The following TLR6 variants were observed in gnomAD, a reference collection of about 807,000 sequenced individuals.
TLR6 encodes toll-like receptor 6.
TLR6 carries 9 observed loss-of-function variants against 16.1 expected under a neutral mutation model. That is an observed-to-expected ratio of 0.56 (90% confidence interval 0.34 to 0.98). The LOEUF (loss-of-function observed/expected upper bound fraction) is 0.98. Among genes scored for constraint, TLR6 ranks in the 50% least tolerant of loss-of-function variants. The pLI, the probability that TLR6 is intolerant of heterozygous loss-of-function variation, is 0.02. For synonymous variants in TLR6, 340 were observed against 338.6 expected (o/e 1.00, Z -0.04); for missense variants, 786 against 921.0 (o/e 0.85, Z 1.90).
chr4:38,827,945 G>T (rs1356318604), exon 2 of TLR6: 1 of 1,614,154 alleles, frequency 6.2e-7, no homozygotes, highest in Non-Finnish European at 8.5e-7. Context: ...ATCAGCCGAT[G>T]GGTGGGAAAC....
At chr4:38,854,877 T>C (rs1712911677) in intron 1 of TLR6, among the ~76,000 whole-genome samples, 1 of 152,070 alleles carries the variant, frequency 6.6e-6, no homozygotes, top group African/African-American at 2.4e-5. Flanking sequence ...CCTCAAATAC[T>C]GTACTTTGAA....
intron 1 of TLR6, among the ~76,000 whole-genome samples, chr4:38,854,652 T>C (rs1325987962): frequency 6.6e-6 from 1 of 152,186 alleles, no homozygotes; most frequent in Non-Finnish European, 1.5e-5. Flanking sequence ...GTACAAGCTT[T>C]CTAAAGGGTA....
chr4:38,864,827 C>T, the TLR6 span, among the ~76,000 whole-genome samples: 1 of 152,076 alleles, frequency 6.6e-6, no homozygotes, highest in Non-Finnish European at 1.5e-5. Context: ...GCCTGGGCAA[C>T]ACAGCAAGAC....
chr4:38,831,981 C>G (rs1403921425), intron 1 of TLR6, among the ~76,000 whole-genome samples: 1 of 152,140 alleles, frequency 6.6e-6, no homozygotes, highest in Non-Finnish European at 1.5e-5. Context: ...CACAATCCAG[C>G]AAATCACATT....
In TLR6 at chr4:38,852,685, C is replaced by T. The variant is rs977839252; in HGVS notation, c.-65+4076G>A. On this transcript the variant is annotated intron_variant, in intron 1 of 1. Transcript: ENST00000436693. ...GCAAATCAAAACCACAATGAGATAC[C>T]GTCTCACACCAGTTAGAATGGCGAT... is the stretch of plus-strand genomic sequence containing the variant. Among the ~76,000 whole-genome samples the T allele has an allele frequency of 4.6e-5, 7 of 151,098 alleles. No homozygotes were observed. In the South Asian group the frequency reaches 8.5e-4, roughly 18 times the overall value.
At chr4:38,854,587 G>A (rs1010891050) in intron 1 of TLR6, among the ~76,000 whole-genome samples, 6 of 151,868 alleles carry the variant, frequency 4.0e-5, no homozygotes, top group African/African-American at 1.5e-4. Flanking sequence ...CAGGTTGGTA[G>A]GTGGAAACTA....
At chr4:38,866,350 G>A in the TLR6 span, among the ~76,000 whole-genome samples, 2 of 151,198 alleles carry the variant, frequency 1.3e-5, no homozygotes, top group African/African-American at 2.4e-5. Context: ...AAAATTAGCC[G>A]GGTGTGGTGG....
chr4:38,829,141 C>T (rs754623426), exon 2 of TLR6: 1 of 1,614,078 alleles, frequency 6.2e-7, no homozygotes, highest in Non-Finnish European at 8.5e-7. Flanking sequence ...TCTTTTGCAA[C>T]TGATTATGAG....
At chr4:38,853,580 C>T (rs1315633462) in intron 1 of TLR6, among the ~76,000 whole-genome samples, 3 of 152,018 alleles carry the variant, frequency 2.0e-5, no homozygotes, top group African/African-American at 4.8e-5. Flanking sequence ...ATAAAGTGGC[C>T]GTCACAAAAT....
intron 1 of TLR6, among the ~76,000 whole-genome samples, chr4:38,837,067 T>A (rs994436433): frequency 2.8e-4 from 42 of 151,132 alleles, no homozygotes; most frequent in African/African-American, 1.0e-3. Flanking sequence ...AACTACAAAA[T>A]ACTGATGAAA....
At chr4:38,868,304 G>C in the TLR6 span, 1 of 153,902 alleles carries the variant, frequency 6.5e-6, no homozygotes, top group African/African-American at 2.4e-5. Context: ...GTAAGACAGA[G>C]GCCTCGTCCC....
At chr4:38,827,775 A>G in exon 2 of TLR6, 2 of 1,614,216 alleles carry the variant, frequency 1.2e-6, no homozygotes, top group Non-Finnish European at 1.7e-6. Context: ...CTTCCTCTAT[A>G]ACTTTCTGGG....
the TLR6 span, among the ~76,000 whole-genome samples, chr4:38,862,944 A>C: frequency 2.0e-5 from 3 of 150,912 alleles, no homozygotes; most frequent in Non-Finnish European, 4.4e-5. Flanking sequence ...AAAAAAAAAA[A>C]AAAAAAAAAA....
intron 1 of TLR6, among the ~76,000 whole-genome samples, chr4:38,850,181 C>A (rs192677142): frequency 6.6e-6 from 1 of 152,068 alleles, no homozygotes; most frequent in Non-Finnish European, 1.5e-5. Context: ...TTGAAACCAG[C>A]GAGGACAAAG....
exon 2 of TLR6, chr4:38,825,090 C>A (rs1727484158): frequency 6.6e-6 from 1 of 152,240 alleles, no homozygotes; most frequent in South Asian, 2.1e-4. Flanking sequence ...AGCCAACGTG[C>A]CTGGCCGAAA....
At chr4:38,832,059 G>C (rs1711629379) in intron 1 of TLR6, among the ~76,000 whole-genome samples, 1 of 152,196 alleles carries the variant, frequency 6.6e-6, no homozygotes, top group African/African-American at 2.4e-5. Context: ...GATGTTTATA[G>C]AAGCTTTATT....
exon 2 of TLR6, chr4:38,829,531 C>T (rs1727733589): frequency 9.8e-7 from 1 of 1,015,344 alleles, no homozygotes; most frequent in Non-Finnish European, 1.5e-6. Context: ...TGATATGAGT[C>T]CAAATTCTAG....
At chr4:38,832,683 C>T (rs1222229465) in intron 1 of TLR6, among the ~76,000 whole-genome samples, 1 of 152,146 alleles carries the variant, frequency 6.6e-6, no homozygotes, top group East Asian at 1.9e-4. Flanking sequence ...CCTGAAGCCC[C>T]ACTGATATTC....
chr4:38,843,431 C>T lies in TLR6; in HGVS notation c.-65+13330G>A, dbSNP rs532338295. On this transcript the variant is annotated intron_variant, in intron 1 of 1. Coordinates refer to ENST00000436693, the Ensembl canonical transcript of TLR6. ...TATTTAAAAAGGACCCACTTTTCACCATCAGGGGATATACTGGAAATAGTA... is the reference window on the plus strand; with the variant it reads ...TATTTAAAAAGGACCCACTTTTCACTATCAGGGGATATACTGGAAATAGTA... Among the ~76,000 whole-genome samples the T allele has an allele frequency of 5.3e-5, 8 of 152,322 alleles. No individual in the cohort carries two copies. In the South Asian group the frequency reaches 1.7e-3, roughly 32 times the overall value.
Sources: allele counts gnomAD v4.1 joint callset (sites outside exome capture counted in the v4.1 genomes callset), GRCh38; gene constraint gnomAD v4.1.1; transcripts MANE v1.5; gene names NCBI Gene and HGNC (gene_info 2026-07-23, HGNC 2026-07-21).